Variants in RTL4 observed in about 807,000 individuals in gnomAD.
RTL4 encodes retrotransposon Gag-like protein 4.
In RTL4, 4 loss-of-function variants were observed where a neutral mutation model predicts 5.3. That is an observed-to-expected ratio of 0.75 (90% CI 0.37 to 1.72). RTL4 has a LOEUF of 1.72. Ranked by LOEUF, RTL4 falls within the 40% of genes most tolerant of loss-of-function variation. The pLI, the probability that RTL4 is intolerant of heterozygous loss-of-function variation, is 0.04. For synonymous variants in RTL4, 98 were observed against 87.3 expected (o/e 1.12, Z -0.68); for missense variants, 260 against 227.1 (o/e 1.14, Z -0.93).
At chrX:112,310,877 A>C in the RTL4 span, among the ~76,000 whole-genome samples, 2 of 91,838 alleles carry the variant, frequency 2.2e-5, no homozygotes, top group East Asian at 6.3e-4. Context: ...ATATATATAA[A>C]ATATATGTAT....
chrX:112,414,781 A>G, the RTL4 span, among the ~76,000 whole-genome samples: 1 of 111,692 alleles, frequency 9.0e-6, no homozygotes, highest in South Asian at 3.7e-4. Flanking sequence ...GCACAATGTG[A>G]CAGGTTTGGC....
the RTL4 span, among the ~76,000 whole-genome samples, chrX:112,093,278 C>T: frequency 1.8e-5 from 2 of 111,201 alleles, no homozygotes; most frequent in African/African-American, 6.5e-5. Context: ...AAGACACTTC[C>T]CTACTTAAGA....
At chrX:112,096,444 C>A in the RTL4 span, among the ~76,000 whole-genome samples, 1 of 111,454 alleles carries the variant, frequency 9.0e-6, no homozygotes, top group South Asian at 3.8e-4. Context: ...AGTAGTGGCC[C>A]ATTCCAGTAA....
chrX:112,449,761 C>A (rs1258722878), upstream of RTL4, among the ~76,000 whole-genome samples: 1 of 112,008 alleles, frequency 8.9e-6, no homozygotes, highest in Non-Finnish European at 1.9e-5. Flanking sequence ...GATTGATAGT[C>A]AATGTTGGGG....
the RTL4 span, among the ~76,000 whole-genome samples, chrX:112,105,761 G>T: frequency 9.0e-6 from 1 of 111,393 alleles, no homozygotes; most frequent in Non-Finnish European, 1.9e-5. Flanking sequence ...AAATTTATTA[G>T]TTCCAATAGG....
At chrX:112,236,402 TAG>T in the RTL4 span, among the ~76,000 whole-genome samples, 158 of 66,230 alleles carry the variant, frequency 2.4e-3, no homozygotes, top group African/African-American at 8.4e-3. Flanking sequence ...ATATATAATA[TAG>T]ATATAGATCT....
At chrX:112,226,989 C>CAAAACAAAAT in the RTL4 span, among the ~76,000 whole-genome samples, 11 of 95,724 alleles carry the variant, frequency 1.1e-4, no homozygotes, top group South Asian at 4.8e-4. Context: ...TAAAATAAAA[C>CAAAACAAAAT]AAAATAAAAT....
the RTL4 span, among the ~76,000 whole-genome samples, chrX:112,236,419 CT>C: frequency 1.9e-5 from 1 of 52,984 alleles, no homozygotes; most frequent in African/African-American, 7.7e-5. Context: ...AGATCTATAT[CT>C]ATATATAGAT....
chrX:112,249,704 A>G, the RTL4 span, among the ~76,000 whole-genome samples: 10 of 108,860 alleles, frequency 9.2e-5, no homozygotes, highest in African/African-American at 2.0e-4. Flanking sequence ...AAACAATACC[A>G]TCAACTCTTC....
the RTL4 span, among the ~76,000 whole-genome samples, chrX:112,216,427 A>G: frequency 8.9e-6 from 1 of 112,143 alleles, no homozygotes; most frequent in African/African-American, 3.2e-5. Flanking sequence ...TGTCATAGCC[A>G]TAAACCCCAA....
the RTL4 span, among the ~76,000 whole-genome samples, chrX:112,347,795 G>GGGTA: frequency 9.0e-6 from 1 of 111,524 alleles, no homozygotes; most frequent in South Asian, 3.7e-4. Flanking sequence ...ACACAAGGTT[G>GGGTA]GGTAGTTAGT....
At chrX:112,250,807 G>T in the RTL4 span, among the ~76,000 whole-genome samples, 1 of 112,152 alleles carries the variant, frequency 8.9e-6, no homozygotes, top group Non-Finnish European at 1.9e-5. Context: ...CAGACCTGCA[G>T]CTTATTTTAA....
At chrX:112,441,794 G>A in the RTL4 span, among the ~76,000 whole-genome samples, 1 of 111,867 alleles carries the variant, frequency 8.9e-6, no homozygotes, top group Non-Finnish European at 1.9e-5. Context: ...AGTAAAGCTA[G>A]AGGAAAAAAG....
the RTL4 span, among the ~76,000 whole-genome samples, chrX:112,246,696 C>G: frequency 3.6e-5 from 4 of 111,697 alleles, no homozygotes; most frequent in Non-Finnish European, 5.6e-5. Context: ...ATGCCCCACC[C>G]TGCTTCAGCT....
chrX:112,232,202 T>C, the RTL4 span, among the ~76,000 whole-genome samples: 1 of 111,364 alleles, frequency 9.0e-6, no homozygotes, highest in Non-Finnish European at 1.9e-5. Flanking sequence ...GAGTCGTATC[T>C]GGTATCCTCA....
the RTL4 span, among the ~76,000 whole-genome samples, chrX:112,170,736 A>C: frequency 0.037 from 4,114 of 111,038 alleles, 158 homozygotes; most frequent in African/African-American, 0.11. Context: ...AATACCCTTT[A>C]TTTCTTTCTG....
the RTL4 span, among the ~76,000 whole-genome samples, chrX:112,316,441 C>CTTCAGGGTTT: frequency 9.0e-6 from 1 of 111,550 alleles, no homozygotes; most frequent in Non-Finnish European, 1.9e-5. Flanking sequence ...TCTAAGAGCC[C>CTTCAGGGTTT]TTCAGGGTTT....
chrX:112,452,216 G>A (rs187389961), upstream of RTL4, among the ~76,000 whole-genome samples: 28 of 103,175 alleles, frequency 2.7e-4, 1 homozygote, highest in Admixed American at 7.5e-4. Flanking sequence ...CCAGACTCCC[G>A]AGTAGCTGGG....
chrX:112,293,578 T>C, the RTL4 span, among the ~76,000 whole-genome samples: 1,427 of 112,158 alleles, frequency 0.013, 18 homozygotes, highest in African/African-American at 0.043. Context: ...TCTGGTGGAA[T>C]TGACTACCTT....
Sources: gnomAD v4.1 joint callset for allele counts (sites outside exome capture counted in the v4.1 genomes callset) on GRCh38, gnomAD v4.1.1 for gene constraint, MANE v1.5 for transcripts, NCBI Gene and HGNC (gene_info 2026-07-23, HGNC 2026-07-21) for gene names.